Variants in HNRNPUL1 observed in about 807,000 individuals in gnomAD.
HNRNPUL1 encodes the protein heterogeneous nuclear ribonucleoprotein U like 1, also known as heterogeneous nuclear ribonucleoprotein U-like protein 1.
Under a neutral mutation model 108.5 loss-of-function variants are expected in HNRNPUL1, and 14 were observed. The ratio of observed to expected loss-of-function variants is 0.13; its 90% CI spans 0.09 to 0.20. The LOEUF is 0.20. HNRNPUL1 is among the 10% of genes least tolerant of loss of function. The pLI, the probability that HNRNPUL1 is intolerant of heterozygous loss-of-function variation, is 1.00. For synonymous variants in HNRNPUL1, 422 were observed against 445.2 expected, an observed-to-expected ratio of 0.95 and a Z score of 0.66; for missense variants, 804 against 1,168.3, an observed-to-expected ratio of 0.69 and a Z score of 4.55.
intron 1 of HNRNPUL1, 159 bp from the exon 2 acceptor site, chr19:41,268,064 C>T: frequency 1.6e-6 from 1 of 609,430 alleles, no homozygotes; most frequent in South Asian, 2.7e-5. Context: ...AGCTGTATCC[C>T]AGGCTCTGGA....
At chr19:41,271,313 G>T (rs2035223926) in intron 2 of HNRNPUL1, among the ~76,000 whole-genome samples, 1 of 152,220 alleles carries the variant, frequency 6.6e-6, no homozygotes, top group South Asian at 2.1e-4. Context: ...GTTATCCACA[G>T]ACATTCATCA....
At chr19:41,266,479 TGGG>T in intron 1 of HNRNPUL1, among the ~76,000 whole-genome samples, 1 of 151,426 alleles carries the variant, frequency 6.6e-6, no homozygotes, top group African/African-American at 2.4e-5. Context: ...TAAATACAGA[TGGG>T]GGGTCTCGCT....
At chr19:41,266,117 G>A (rs919281367) in intron 1 of HNRNPUL1, among the ~76,000 whole-genome samples, 3 of 152,106 alleles carry the variant, frequency 2.0e-5, no homozygotes, top group Non-Finnish European at 4.4e-5. Flanking sequence ...GATATGGGAC[G>A]GCGTGAATCT....
intron 13 of HNRNPUL1, among the ~76,000 whole-genome samples, chr19:41,304,959 C>G (rs891214499): frequency 1.3e-5 from 2 of 152,196 alleles, no homozygotes; most frequent in Non-Finnish European, 2.9e-5. Flanking sequence ...CCCACAACAT[C>G]CTGTTTCTGT....
At chr19:41,284,947 G>A (rs1179248253) in intron 7 of HNRNPUL1, among the ~76,000 whole-genome samples, 3 of 146,436 alleles carry the variant, frequency 2.0e-5, no homozygotes, top group Non-Finnish European at 4.4e-5. Context: ...AGTGAGCCAC[G>A]ATTGCGCCAC....
chr19:41,277,600 G>A (rs1016584821), intron 5 of HNRNPUL1, among the ~76,000 whole-genome samples: 7 of 152,118 alleles, frequency 4.6e-5, no homozygotes, highest in East Asian at 1.9e-4. Flanking sequence ...TCTGCCTCCC[G>A]GGTTCAAGCA....
In HNRNPUL1 at chr19:41,278,997, A is replaced by T; in HGVS notation, c.787-80A>T. On this transcript the variant is annotated intron_variant, in intron 5 of 14. Coordinates refer to ENST00000392006, the MANE Select transcript of HNRNPUL1 (RefSeq NM_007040.6). ...AGCCATTGCTATTTTTTAATGCCTG[A>T]TATGCTTCCCTCCTATATTGGCTCA... is the stretch of plus-strand genomic sequence containing the variant. 3.2e-6 allele frequency: 3 copies of T among 942,944 alleles called. 1 individual carries two copies. The highest frequency in any genetic ancestry group is 2.6e-5 in the South Asian group (2 of 75,768). 58.4% of individuals were successfully genotyped at this position (942,944 alleles called of 1,614,324 possible).
chr19:41,300,475 A>G lies in HNRNPUL1; in HGVS notation c.1519-1061A>G, dbSNP rs2037143081. On this transcript the variant is annotated intron_variant, in intron 10 of 14. Coordinates refer to ENST00000392006, the MANE Select transcript of HNRNPUL1 (RefSeq NM_007040.6). ...GTTTCTGCTGAGTTCCTGAGTTTCCATAGGGAGGGTACCTGTATAGGTGCC... is the reference window on the plus strand; with the variant it reads ...GTTTCTGCTGAGTTCCTGAGTTTCCGTAGGGAGGGTACCTGTATAGGTGCC... Among the ~76,000 whole-genome samples, 2 of 152,140 alleles carry G rather than the reference A, an allele frequency of 1.3e-5. 1 individual carries two copies. The highest frequency in any genetic ancestry group is 4.1e-4 in the South Asian group (2 of 4,826).
At position 41,281,323 on chromosome 19, in the gene HNRNPUL1, A is replaced by G. The variant is rs759256905; in HGVS notation, c.999+48A>G. 5 of 1,295,894 alleles carry G rather than the reference A, an allele frequency of 3.9e-6. No homozygotes were observed. The Admixed American group carries it at 6.8e-5, about 18-fold the overall frequency. 80.3% of individuals were successfully genotyped at this position (1,295,894 alleles called of 1,614,324 possible). On this transcript the variant is annotated intron_variant, in intron 7 of 14. Transcript: ENST00000392006. ...AGTTGGCAGAACCAGATGTTGGGCT[A>G]CAGACTTCTTTTTCAGGATACCTCT... is the stretch of plus-strand genomic sequence containing the variant.
At chr19:41,297,503 G>T (rs1054246297) in intron 10 of HNRNPUL1, among the ~76,000 whole-genome samples, 5 of 152,326 alleles carry the variant, frequency 3.3e-5, no homozygotes, top group Admixed American at 1.3e-4. Flanking sequence ...GGGGTCCTCT[G>T]TTGGAGGTGG....
At position 41,306,914 on chromosome 19, in the gene HNRNPUL1, C is replaced by T. The variant is rs1399383502; in HGVS notation, c.*349C>T. On this transcript the variant is annotated 3_prime_UTR_variant, in exon 15 of 15. Coordinates refer to ENST00000392006, the MANE Select transcript of HNRNPUL1 (RefSeq NM_007040.6). ...ACAGTGACTGAGGGGAGAATCCCCT[C>T]CTGTTCACTCTCCCAACCCTGCTCC... 1 of 177,106 alleles carries T rather than the reference C, an allele frequency of 5.6e-6. No homozygotes were observed. The highest frequency in any genetic ancestry group is 6.3e-5 in the Admixed American group (1 of 15,976). 11.0% of individuals were successfully genotyped at this position (177,106 alleles called of 1,614,324 possible). A position where few individuals can be genotyped will look rare whatever the true frequency, so the allele number is the denominator to read the frequency against.
At chr19:41,301,340 CACTT>C (rs1476086503) in intron 10 of HNRNPUL1, among the ~76,000 whole-genome samples, 192 bp from the exon 11 acceptor site, 1 of 152,206 alleles carries the variant, frequency 6.6e-6, no homozygotes, top group Non-Finnish European at 1.5e-5. Flanking sequence ...TGTCTGCAGC[CACTT>C]ACCTAAGTCA....
intron 4 of HNRNPUL1, among the ~76,000 whole-genome samples, chr19:41,275,869 G>T (rs751419841): frequency 6.6e-6 from 1 of 152,142 alleles, no homozygotes; most frequent in South Asian, 2.1e-4. Context: ...TTGGGAGGCC[G>T]AGGCAGGTGG....
rs777393717 is a variant in HNRNPUL1 at position 41,306,572 on chromosome 19, T to G, written c.*7T>G. 8 of 1,506,356 alleles carry G rather than the reference T, an allele frequency of 5.3e-6. No homozygotes were observed. In the East Asian group the frequency reaches 1.5e-4, roughly 28 times the overall value. The allele number at this position is 1,506,356 out of a possible 1,614,324, so 93.3% of individuals were successfully genotyped here. A position where few individuals can be genotyped will look rare whatever the true frequency, so the allele number is the denominator to read the frequency against. ...TGGCACAAGTACACAGTAGCCAGTG[T>G]GACCCAGAGGCTCCCGGAGGCCCCT... On this transcript the variant is annotated 3_prime_UTR_variant, in exon 15 of 15. Coordinates refer to ENST00000392006, the MANE Select transcript of HNRNPUL1 (RefSeq NM_007040.6).
In HNRNPUL1 at chr19:41,305,764, A is replaced by T. The variant is rs760647427; in HGVS notation, c.2351A>T (p.Tyr784Phe). The T allele has an allele frequency of 6.2e-7, 1 of 1,613,814 alleles. No individual in the cohort carries two copies. Among genetic ancestry groups the T allele is most frequent in the East Asian group, 2.2e-5 (1 of 44,870 alleles). ...CCTCCACCTCCACCACCACCTGCCT[A>T]CAACTATGGGAGCTACGGCGGTTAC... ...PPPPPPPPPA[Y>F]NYGSYGGYNP... Residue 784 changes from tyrosine (Y) to phenylalanine (F), a missense_variant, in exon 14 of 15, where the codon TAC becomes TTC. Physicochemically the swap from Tyr to Phe is conservative, Grantham distance 22 (BLOSUM62 3). Coordinates refer to ENST00000392006, the MANE Select transcript of HNRNPUL1 (RefSeq NM_007040.6).
At chr19:41,287,369 T>G (rs2036296668) in intron 7 of HNRNPUL1, among the ~76,000 whole-genome samples, 1 of 152,188 alleles carries the variant, frequency 6.6e-6, no homozygotes, top group Non-Finnish European at 1.5e-5. Context: ...TAAAACTTGA[T>G]ATAATGCTAT....
intron 7 of HNRNPUL1, among the ~76,000 whole-genome samples, chr19:41,288,494 T>C (rs1599819111): frequency 6.6e-6 from 1 of 152,156 alleles, no homozygotes; most frequent in African/African-American, 2.4e-5. Context: ...TCTGCCCTCC[T>C]TGGCCTCCCA....
chr19:41,294,570 C>T lies in HNRNPUL1; in HGVS notation c.1402C>T (p.Arg468Cys), dbSNP rs114983592. Residue 468 changes from arginine to cysteine, a missense_variant, in exon 10 of 15, where the codon CGC (arginine) becomes TGC (cysteine). Transcript: ENST00000392006. The surrounding 1 kb of genome is among the most constrained non-coding windows in gnomAD (Gnocchi z 4.3). Reference sequence around the variant, plus strand: ...TTCCTGCCCGCAGGTGATGGGCCTACGCCGGCAGCGGAACTATGCTGGCCG... The same window carrying T: ...TTCCTGCCCGCAGGTGATGGGCCTATGCCGGCAGCGGAACTATGCTGGCCG... ...IMDKMRVMGL[R>C]RQRNYAGRWD... is the part of the protein sequence containing the mutation. 19 of 1,614,060 alleles carry T rather than the reference C, an allele frequency of 1.2e-5. No individual in the cohort carries two copies. The highest frequency in any genetic ancestry group is 2.2e-5 in the East Asian group (1 of 44,896).
intron 12 of HNRNPUL1, among the ~76,000 whole-genome samples, chr19:41,303,170 C>T (rs993229907): frequency 6.6e-6 from 1 of 152,156 alleles, no homozygotes; most frequent in Admixed American, 6.5e-5. Flanking sequence ...TTGCATATCA[C>T]AGTGCACATT....
Sources: allele counts gnomAD v4.1 joint callset (sites outside exome capture counted in the v4.1 genomes callset), GRCh38; gene constraint gnomAD v4.1.1; non-coding constraint Gnocchi (gnomAD v3.1); transcripts MANE v1.5; gene names NCBI Gene and HGNC (gene_info 2026-07-23, HGNC 2026-07-21).